The following CFAP97 variants were observed in gnomAD, a reference collection of about 807,000 sequenced individuals.
CFAP97 encodes cilia and flagella associated protein 97.
CFAP97 carries 36 observed loss-of-function variants against 43.1 expected under a neutral mutation model. The ratio of observed to expected loss-of-function variants is 0.84; its 90% CI spans 0.64 to 1.10. CFAP97 has a LOEUF of 1.10. CFAP97 is among the 50% of genes least tolerant of loss of function. The pLI, the probability that CFAP97 is intolerant of heterozygous loss-of-function variation, is 0.00. For missense variants in CFAP97, 657 were observed against 620.3 expected (o/e 1.06, Z -0.63); for synonymous variants, 228 against 225.7 (o/e 1.01, Z -0.09).
In CFAP97 at chr4:185,161,664, A is replaced by C. The variant is rs983824239; in HGVS notation, c.*1134T>G. ...CCTATCTGCCATTACCAATTCCATC[A>C]AGATTACTAGGTCTTTAAATGTGGG... On this transcript the variant is annotated 3_prime_UTR_variant, in exon 5 of 5. Transcript: ENST00000458385. 1.6e-4 allele frequency: 24 copies of C among 152,218 alleles called. No individual in the cohort carries two copies. Among genetic ancestry groups the C allele is most frequent in the African/African-American group, 5.1e-4 (21 of 41,462 alleles). 9.4% of individuals were successfully genotyped at this position (152,218 alleles called of 1,614,324 possible).
rs1278578163 is a variant in CFAP97, at chr4:185,159,889, T to C, written c.*2909A>G. 1 of 152,236 alleles carries C rather than the reference T, an allele frequency of 6.6e-6. No individual in the cohort carries two copies. The highest frequency in any genetic ancestry group is 1.5e-5 in the Non-Finnish European group (1 of 68,030). The allele number at this position is 152,236 out of a possible 1,614,324, so 9.4% of individuals were successfully genotyped here. A position where few individuals can be genotyped will look rare whatever the true frequency, so the allele number is the denominator to read the frequency against. ...TTTTGGCATTGAAGATAGTAAACTT[T>C]TTATGAATGTAATTATTAAAGTATA... On this transcript the variant is annotated 3_prime_UTR_variant, in exon 5 of 5. Transcript: ENST00000458385.
intron 2 of CFAP97, among the ~76,000 whole-genome samples, chr4:185,177,101 G>A (rs1042458197): frequency 3.3e-5 from 5 of 152,174 alleles, no homozygotes; most frequent in African/African-American, 1.2e-4. Context: ...AATGTTTCAG[G>A]TTAAGTATGT....
rs56979147 is a variant in CFAP97 at position 185,192,620 on chromosome 4, G to GT, written c.-16-1409dup. 3.5e-3 allele frequency among the ~76,000 whole-genome samples: 529 copies of GT among 150,970 alleles called. 3 individuals are homozygous for GT. The highest frequency in any genetic ancestry group is 0.014 in the Middle Eastern group (4 of 292). On this transcript the variant is annotated intron_variant, in intron 1 of 4. Coordinates refer to ENST00000458385, the MANE Select transcript of CFAP97 (RefSeq NM_020827.3). The stretch of plus-strand genomic sequence containing the variant: ...ATAAAGTCATAGTCTTTAAAAAATG[G>GT]TTTTTTTTATCTGTTTATTACAGTG...
chr4:185,207,687 C>T (rs1328206135), upstream of CFAP97: 1 of 152,136 alleles, frequency 6.6e-6, no homozygotes, highest in African/African-American at 2.4e-5. Flanking sequence ...CAACTAAATC[C>T]TAGTTCTGTT....
At chr4:185,180,543 A>G (rs895445431) in intron 2 of CFAP97, among the ~76,000 whole-genome samples, 1 of 152,138 alleles carries the variant, frequency 6.6e-6, no homozygotes, top group Non-Finnish European at 1.5e-5. Context: ...TTCACTTAGC[A>G]TAATGTCCTC....
rs1167865554 is a variant in CFAP97, at chr4:185,190,874, G to A, written c.323C>T (p.Thr108Ile). Residue 108 changes from threonine (T) to isoleucine (I), a missense_variant, in exon 2 of 5, where the codon ACA becomes ATA. Transcript: ENST00000458385. ...SRSKKLCDVTTGLKIHVSIPN... is the reference protein window; with the variant it reads ...SRSKKLCDVTIGLKIHVSIPN... ...AATGGACACGTGTATTTTAAGTCCT[G>A]TTGTAACATCACACAATTTTTTTGA... 1 of 1,612,502 alleles carries A rather than the reference G, an allele frequency of 6.2e-7. No homozygotes were observed.
intron 3 of CFAP97, among the ~76,000 whole-genome samples, chr4:185,171,159 T>C (rs1735289470): frequency 6.6e-6 from 1 of 152,146 alleles, no homozygotes; most frequent in South Asian, 2.1e-4. Context: ...TTTTTCTACA[T>C]GAAAAGATGG....
upstream of CFAP97, among the ~76,000 whole-genome samples, chr4:185,207,398 A>T (rs1175301859): frequency 3.3e-5 from 5 of 151,638 alleles, no homozygotes; most frequent in Admixed American, 1.3e-4. Context: ...TTGTATTTTT[A>T]GTAGAGACGG....
intron 1 of CFAP97, among the ~76,000 whole-genome samples, chr4:185,194,846 C>T (rs1736467051): frequency 6.6e-6 from 1 of 152,176 alleles, no homozygotes; most frequent in South Asian, 2.1e-4. Context: ...AAATGACATA[C>T]AACCCCATTA....
upstream of CFAP97, among the ~76,000 whole-genome samples, chr4:185,208,238 G>C (rs1365125389): frequency 2.0e-5 from 3 of 151,918 alleles, no homozygotes; most frequent in Admixed American, 2.0e-4. Flanking sequence ...GGCTAGTCTT[G>C]AACTCCTAAC....
intron 2 of CFAP97, chr4:185,182,309 G>C (rs529042200): frequency 6.6e-6 from 1 of 151,714 alleles, no homozygotes; most frequent in Non-Finnish European, 1.5e-5. Flanking sequence ...GGGATTTACA[G>C]GTCAAGATGA....
At chr4:185,192,391 T>C (rs1736302588) in intron 1 of CFAP97, among the ~76,000 whole-genome samples, 2 of 152,192 alleles carry the variant, frequency 1.3e-5, no homozygotes, top group South Asian at 4.1e-4. Flanking sequence ...TGGAGTTAAG[T>C]ATTACAAAAA....
At chr4:185,170,300 C>A in intron 3 of CFAP97, 5 of 639,078 alleles carry the variant, frequency 7.8e-6, no homozygotes, top group South Asian at 7.0e-5. Context: ...GAGCCAAGAT[C>A]ACGTCACTGC....
At chr4:185,178,132 C>T (rs926622715) in intron 2 of CFAP97, among the ~76,000 whole-genome samples, 2 of 151,732 alleles carry the variant, frequency 1.3e-5, no homozygotes, top group Admixed American at 6.6e-5. Flanking sequence ...ATTATCTTGC[C>T]TCCAAGAAAT....
rs770973387 is a variant in CFAP97, at chr4:185,162,800, A to C, written c.1597T>G (p.Ter533GluextTer6). 6 of 1,612,698 alleles carry C rather than the reference A, an allele frequency of 3.7e-6. No individual in the cohort carries two copies. Among genetic ancestry groups the C allele is most frequent in the South Asian group, 3.3e-5 (3 of 90,572 alleles). The stretch of plus-strand genomic sequence containing the variant: ...AATGTTTAAAGTAAAAAAGTGTTTT[A>C]TAACCAAGCTGTACGGACATTAGGG... Reference protein sequence around the residue: ...KPPNVRTAWL* With the variant: ...KPPNVRTAWLE Residue 533 changes from the stop codon to glutamate (E), a stop_lost, in exon 5 of 5, where the codon TAA (stop) becomes GAA (glutamate). Transcript: ENST00000458385.
rs182552516 is a variant in CFAP97, at chr4:185,190,697, C to T, written c.500G>A (p.Cys167Tyr). ...GGAGGAGGAAGAGGAGCTAACTTTG[C>T]AATACTTTTTCCTTATGCTTTTTTT... is the stretch of plus-strand genomic sequence containing the variant. Reference protein sequence around the residue: ...NVKKSIRKKYCKVSSSSSSSL... With the variant: ...NVKKSIRKKYYKVSSSSSSSL... The change falls in exon 2 of 5, where the codon TGC (cysteine) becomes TAC (tyrosine). Residue 167 changes from cysteine (C) to tyrosine (Y), a missense_variant. Physicochemically the swap from Cys to Tyr is radical, Grantham distance 194 (BLOSUM62 -2). Transcript: ENST00000458385. 29 of 1,569,736 alleles carry T rather than the reference C, an allele frequency of 1.8e-5. No homozygotes were observed. The East Asian group carries it at 6.0e-4, about 33-fold the overall frequency.
In CFAP97 at chr4:185,162,652, C is replaced by A; in HGVS notation, c.*146G>T. The A allele has an allele frequency of 1.2e-6, 1 of 805,610 alleles. No individual in the cohort carries two copies. Among genetic ancestry groups the A allele is most frequent in the African/African-American group, 1.8e-5 (1 of 56,128 alleles). 49.9% of individuals were successfully genotyped at this position (805,610 alleles called of 1,614,324 possible). A position where few individuals can be genotyped will look rare whatever the true frequency, so the allele number is the denominator to read the frequency against. On this transcript the variant is annotated 3_prime_UTR_variant, in exon 5 of 5. Coordinates refer to ENST00000458385, the MANE Select transcript of CFAP97 (RefSeq NM_020827.3). Reference sequence around the variant, plus strand: ...AAATCGTTTTTTGACAATAATTTTGCACTGAATAACAATACATTACAACTC... The same window carrying A: ...AAATCGTTTTTTGACAATAATTTTGAACTGAATAACAATACATTACAACTC...
chr4:185,175,772 T>C lies in CFAP97; in HGVS notation c.1320+14A>G. The C allele has an allele frequency of 1.9e-6, 3 of 1,607,546 alleles. No homozygotes were observed. The highest frequency in any genetic ancestry group is 2.6e-6 in the Non-Finnish European group (3 of 1,175,864). ...ACACATTTTCTTTGATGACTAATTA[T>C]TTCAGTTACTTACCAAGTTTTCTCT... On this transcript the variant is annotated intron_variant, in intron 3 of 4. Transcript: ENST00000458385.
At chr4:185,204,118 C>T (rs1337854707), upstream of CFAP97, 1 of 151,608 alleles carries the variant, frequency 6.6e-6, no homozygotes, top group Non-Finnish European at 1.5e-5. Context: ...GGCAGGCGGC[C>T]AGGCCGGGGC....
Sources: gnomAD v4.1 joint callset for allele counts (sites outside exome capture counted in the v4.1 genomes callset) on GRCh38, gnomAD v4.1.1 for gene constraint, MANE v1.5 for transcripts, NCBI Gene and HGNC (gene_info 2026-07-23, HGNC 2026-07-21) for gene names.